Variants in SEZ6L observed in about 807,000 individuals in gnomAD.
SEZ6L encodes seizure 6-like protein.
In SEZ6L, 37 loss-of-function variants were observed where a neutral mutation model predicts 106.2. The ratio of observed to expected loss-of-function variants is 0.35; its 90% CI spans 0.27 to 0.46. The LOEUF (loss-of-function observed/expected upper bound fraction) is 0.46, where lower values mean the gene tolerates loss of function less well. SEZ6L is among the 20% of genes least tolerant of loss of function. The pLI, the probability that SEZ6L is intolerant of heterozygous loss-of-function variation, is 1.00. For synonymous variants in SEZ6L, 541 were observed against 570.4 expected (o/e 0.95, Z 0.73); for missense variants, 1,172 against 1,332.8 (o/e 0.88, Z 1.88).
At chr22:26,207,617 C>G (rs1385237785) in intron 1 of SEZ6L, among the ~76,000 whole-genome samples, 2 of 152,028 alleles carry the variant, frequency 1.3e-5, no homozygotes, top group African/African-American at 4.8e-5. Context: ...CCTTTCCAGT[C>G]TTTTTTCAAA....
At chr22:26,200,628 A>C (rs999614082) in intron 1 of SEZ6L, among the ~76,000 whole-genome samples, 1 of 152,226 alleles carries the variant, frequency 6.6e-6, no homozygotes, top group Non-Finnish European at 1.5e-5. Flanking sequence ...CTTTGGTCTC[A>C]GTTAATATGA....
chr22:26,294,705 C>T (rs191181569), intron 3 of SEZ6L, among the ~76,000 whole-genome samples: 35 of 141,810 alleles, frequency 2.5e-4, no homozygotes, highest in Middle Eastern at 3.5e-3. Context: ...CATACACACA[C>T]GCATGCACGT....
intron 1 of SEZ6L, among the ~76,000 whole-genome samples, chr22:26,219,694 T>C (rs1315373281): frequency 1.3e-5 from 2 of 152,130 alleles, no homozygotes. Context: ...ATAGGGAAGA[T>C]GTAATCTCAG....
At chr22:26,264,521 T>C (rs962090519) in intron 1 of SEZ6L, among the ~76,000 whole-genome samples, 23 of 152,252 alleles carry the variant, frequency 1.5e-4, no homozygotes, top group Non-Finnish European at 2.2e-4. Context: ...TTTTAAAGTT[T>C]ACCTATTAAA....
At chr22:26,184,420 G>A (rs995370936) in intron 1 of SEZ6L, among the ~76,000 whole-genome samples, 3 of 152,084 alleles carry the variant, frequency 2.0e-5, no homozygotes, top group African/African-American at 4.8e-5. Context: ...CTATAGTAAC[G>A]AGCCTGCTCT....
chr22:26,367,058 G>A lies in SEZ6L; in HGVS notation c.2794+1492G>A, dbSNP rs374200558. ...ATATATACATTTACATACATACATA[G>A]CTCCTGTCCCATTAAAGCATCAGGG... On this transcript the variant is annotated intron_variant, in intron 13 of 16. Transcript: ENST00000248933. Among the ~76,000 whole-genome samples, 150 of 152,076 alleles carry A rather than the reference G, an allele frequency of 9.9e-4. 1 individual carries two copies. The highest frequency in any genetic ancestry group is 3.4e-3 in the African/African-American group (139 of 41,464).
Position 26,312,076 on chromosome 22 carries a change from G to T in SEZ6L, c.1876+114G>T, listed in dbSNP as rs1012031993. The T allele has an allele frequency of 3.8e-6, 4 of 1,048,250 alleles. No individual in the cohort carries two copies. The African/African-American group carries it at 6.4e-5, about 17-fold the overall frequency. The allele number at this position is 1,048,250 out of a possible 1,614,324, so 64.9% of individuals were successfully genotyped here. On this transcript the variant is annotated intron_variant, in intron 8 of 16. Transcript: ENST00000248933. ...TCCCCAGTTTTCATACCAACTTTAG[G>T]ATTAGAACCCTTTCCAGGGTTCACT...
intron 1 of SEZ6L, among the ~76,000 whole-genome samples, chr22:26,200,209 T>C (rs935640482): frequency 6.6e-6 from 1 of 152,180 alleles, no homozygotes; most frequent in Non-Finnish European, 1.5e-5. Context: ...TATTGAACTT[T>C]GGAAGTGTGT....
intron 10 of SEZ6L, among the ~76,000 whole-genome samples, chr22:26,345,195 T>C (rs376281536): frequency 6.6e-5 from 10 of 152,182 alleles, no homozygotes; most frequent in East Asian, 1.9e-4. Context: ...AAAATGCATG[T>C]TCCTGAATCA....
At chr22:26,303,368 A>G (rs954212346) in intron 5 of SEZ6L, among the ~76,000 whole-genome samples, 6 of 152,256 alleles carry the variant, frequency 3.9e-5, no homozygotes, top group Non-Finnish European at 8.8e-5. Context: ...GGTACCTGCT[A>G]TGTATCAAGC....
chr22:26,173,884 C>G (rs1050353557), intron 1 of SEZ6L, among the ~76,000 whole-genome samples: 3 of 152,074 alleles, frequency 2.0e-5, no homozygotes, highest in Admixed American at 6.6e-5. Context: ...TCATGGGGGC[C>G]CTATCTTTAT....
chr22:26,271,188 C>T (rs1181779197), intron 1 of SEZ6L, among the ~76,000 whole-genome samples: 3 of 152,288 alleles, frequency 2.0e-5, no homozygotes, highest in East Asian at 3.9e-4. Context: ...GCAATAAAAT[C>T]GTAATTATTC....
chr22:26,313,303 G>C (rs1029196947), intron 8 of SEZ6L, among the ~76,000 whole-genome samples: 1 of 152,170 alleles, frequency 6.6e-6, no homozygotes, highest in East Asian at 1.9e-4. Flanking sequence ...CCATTTTGTA[G>C]AGAAAGGGAG....
At chr22:26,310,312 G>C (rs1197284872) in intron 6 of SEZ6L, among the ~76,000 whole-genome samples, 1 of 152,138 alleles carries the variant, frequency 6.6e-6, no homozygotes, top group Admixed American at 6.5e-5. Flanking sequence ...AAGGCGGGTG[G>C]ATCACCTGAG....
chr22:26,376,198 C>G (rs2084217524), intron 15 of SEZ6L, among the ~76,000 whole-genome samples: 1 of 110,560 alleles, frequency 9.0e-6, no homozygotes, highest in African/African-American at 3.3e-5. Context: ...CCAGAAACAT[C>G]ATTTGTGGAA....
chr22:26,292,313 C>CA, intron 1 of SEZ6L, 93 bp from the exon 2 acceptor site: 1 of 985,910 alleles, frequency 1.0e-6, no homozygotes, highest in Non-Finnish European at 1.5e-6. Flanking sequence ...GAGCTTTGGG[C>CA]ACCGCCCTTA....
rs761138320 is a variant in SEZ6L at position 26,340,589 on chromosome 22, C to A, written c.2169C>A (p.Gly723=). The A allele has an allele frequency of 7.4e-6, 12 of 1,614,018 alleles. No homozygotes were observed. In the South Asian group the frequency reaches 1.3e-4, roughly 18 times the overall value. ...TCCAGTTCCATTCGGACCCTGCTGG[C>A]CTCATCTTTGGAAAGGGCCAGGGAT... ...LTIQFHSDPA[G]LIFGKGQGFI... is the part of the protein sequence containing the mutation. The change falls in exon 10 of 17, where the codon GGC becomes GGA. Residue 723 remains glycine, a synonymous_variant. Coordinates refer to ENST00000248933, the MANE Select transcript of SEZ6L (RefSeq NM_021115.5).
At chr22:26,317,445 A>C (rs944335562) in intron 9 of SEZ6L, among the ~76,000 whole-genome samples, 2 of 151,370 alleles carry the variant, frequency 1.3e-5, no homozygotes, top group Non-Finnish European at 2.9e-5. Flanking sequence ...TTCTGGCCTC[A>C]CAGGGAGCCT....
Position 26,296,926 on chromosome 22 carries a change from C to T in SEZ6L, c.1008C>T (p.Ser336=), listed in dbSNP as rs1198350585. 1.2e-6 allele frequency: 2 copies of T among 1,612,640 alleles called. No individual in the cohort carries two copies. Among genetic ancestry groups the T allele is most frequent in the Non-Finnish European group, 1.7e-6 (2 of 1,179,332 alleles). The part of the protein sequence containing the change: ...SVNLSDGELL[S]IRGVDGPTLT... The stretch of plus-strand genomic sequence containing the variant: ...ACCTGTCCGATGGGGAACTGCTCTC[C>T]ATCCGCGGGGTGGACGGCCCTACCC... Residue 336 remains serine (S), a synonymous_variant, in exon 4 of 17, where the codon TCC becomes TCT. Coordinates refer to ENST00000248933, the MANE Select transcript of SEZ6L (RefSeq NM_021115.5).
Sources: allele counts gnomAD v4.1 joint callset (sites outside exome capture counted in the v4.1 genomes callset), GRCh38; gene constraint gnomAD v4.1.1; transcripts MANE v1.5; gene names NCBI Gene and HGNC (gene_info 2026-07-23, HGNC 2026-07-21).